Variants in CSMD1 observed in about 807,000 individuals in gnomAD.
The protein encoded by CSMD1 is CUB and sushi domain-containing protein 1.
A neutral mutation model predicts 417.5 loss-of-function variants in CSMD1; 213 were observed. That is an observed-to-expected ratio of 0.51 (90% CI 0.46 to 0.57). The LOEUF is 0.57. CSMD1 is among the 20% of genes least tolerant of loss of function. CSMD1 has a pLI of 0.00. For synonymous variants in CSMD1, 2,862 were observed against 1,736.8 expected, an observed-to-expected ratio of 1.65 and a Z score of -16.11; for missense variants, 6,923 against 4,529.7, an observed-to-expected ratio of 1.53 and a Z score of -15.17.
chr8:3,730,419 G>C (rs1413584697), intron 6 of CSMD1, among the ~76,000 whole-genome samples: 2 of 147,762 alleles, frequency 1.4e-5, no homozygotes, highest in Non-Finnish European at 3.0e-5. Context: ...AGCTGGGATA[G>C]AGCAAACCTC....
chr8:4,232,232 G>C (rs867560867), intron 3 of CSMD1, among the ~76,000 whole-genome samples: 6 of 152,076 alleles, frequency 3.9e-5, no homozygotes, highest in African/African-American at 9.7e-5. Context: ...GTCTCGCTCT[G>C]TCAGTCACCA....
intron 4 of CSMD1, among the ~76,000 whole-genome samples, chr8:4,004,964 T>G (rs1815991663): frequency 6.6e-6 from 1 of 152,184 alleles, no homozygotes; most frequent in South Asian, 2.1e-4. Context: ...CAGGATGGTC[T>G]CAATCTCCTG....
At chr8:4,832,733 G>A (rs1271114933) in intron 1 of CSMD1, among the ~76,000 whole-genome samples, 2 of 152,152 alleles carry the variant, frequency 1.3e-5, no homozygotes, top group Admixed American at 1.3e-4. Flanking sequence ...AGAAATTAAA[G>A]TGGAGAGAGA....
intron 8 of CSMD1, among the ~76,000 whole-genome samples, chr8:3,587,750 C>G (rs1385753117): frequency 6.6e-6 from 1 of 152,058 alleles, no homozygotes; most frequent in Non-Finnish European, 1.5e-5. Flanking sequence ...CTTAATAAAA[C>G]TTAATATGCA....
chr8:3,919,848 C>A (rs1234525581), intron 5 of CSMD1, among the ~76,000 whole-genome samples: 3 of 151,954 alleles, frequency 2.0e-5, no homozygotes, highest in Admixed American at 6.6e-5. Context: ...TCATTCACCT[C>A]CTTGGTTATT....
intron 3 of CSMD1, among the ~76,000 whole-genome samples, chr8:4,080,496 T>G (rs1729160651): frequency 6.6e-6 from 1 of 152,218 alleles, no homozygotes; most frequent in African/African-American, 2.4e-5. Context: ...TCCAAATTTC[T>G]TACTTGCAAA....
At chr8:3,981,952 A>C (rs1267956185) in intron 5 of CSMD1, among the ~76,000 whole-genome samples, 2 of 152,018 alleles carry the variant, frequency 1.3e-5, no homozygotes, top group Admixed American at 6.6e-5. Context: ...CAGGTGGATC[A>C]CAAGTTCAGG....
intron 3 of CSMD1, among the ~76,000 whole-genome samples, chr8:4,222,298 T>C (rs1348980858): frequency 1.3e-5 from 2 of 152,156 alleles, no homozygotes; most frequent in Non-Finnish European, 2.9e-5. Context: ...TTTTAATTTT[T>C]AGGCAATTTG....
At chr8:4,414,432 G>A (rs1796816081) in intron 3 of CSMD1, among the ~76,000 whole-genome samples, 2 of 152,032 alleles carry the variant, frequency 1.3e-5, no homozygotes, top group African/African-American at 4.8e-5. Context: ...AATGTTCAAT[G>A]GATTAATAAA....
intron 1 of CSMD1, among the ~76,000 whole-genome samples, chr8:4,839,363 T>G (rs912573322): frequency 1.3e-5 from 2 of 152,204 alleles, no homozygotes; most frequent in African/African-American, 4.8e-5. Flanking sequence ...CAAATATATT[T>G]CATAATTATG....
chr8:4,151,472 T>C (rs569863685), intron 3 of CSMD1, among the ~76,000 whole-genome samples: 2 of 152,340 alleles, frequency 1.3e-5, no homozygotes, highest in East Asian at 3.9e-4. Context: ...CCATATCTAG[T>C]TTAACAAACA....
intron 7 of CSMD1, among the ~76,000 whole-genome samples, chr8:3,676,558 C>A (rs79702589): frequency 0.013 from 1,922 of 152,264 alleles, 37 homozygotes; most frequent in African/African-American, 0.044. Flanking sequence ...CACATGTTCT[C>A]CCTTACCATT....
At chr8:3,212,473 C>T (rs1376951794) in intron 30 of CSMD1, among the ~76,000 whole-genome samples, 1 of 152,106 alleles carries the variant, frequency 6.6e-6, no homozygotes. Context: ...CTCATCCTCC[C>T]AAGCAGCTGG....
At chr8:4,299,658 G>A (rs1007644383) in intron 3 of CSMD1, among the ~76,000 whole-genome samples, 1 of 152,150 alleles carries the variant, frequency 6.6e-6, no homozygotes, top group East Asian at 1.9e-4. Flanking sequence ...TCTTTGAGAT[G>A]GAGTCTCATT....
chr8:4,648,905 A>G (rs1803706702), intron 1 of CSMD1, among the ~76,000 whole-genome samples: 1 of 152,156 alleles, frequency 6.6e-6, no homozygotes, highest in Non-Finnish European at 1.5e-5. Flanking sequence ...GCTTCCGCAT[A>G]TACGTAAATC....
Position 3,779,962 on chromosome 8 carries a change from T to A in CSMD1, c.819-25920A>T, listed in dbSNP as rs534616220. Among the ~76,000 whole-genome samples, 23 of 152,348 alleles carry A rather than the reference T, an allele frequency of 1.5e-4. 1 individual carries two copies. The South Asian group carries it at 4.8e-3, about 32-fold the overall frequency. The stretch of plus-strand genomic sequence containing the variant: ...TAAATTGCTGAAAACTAAGAAAGCT[T>A]AAATCAACCAAAAGAATGTGAACTT... On this transcript the variant is annotated intron_variant, in intron 5 of 69. Transcript: ENST00000635120.
At chr8:4,929,950 G>A (rs926979381) in intron 1 of CSMD1, among the ~76,000 whole-genome samples, 8 of 152,182 alleles carry the variant, frequency 5.3e-5, no homozygotes, top group Non-Finnish European at 7.3e-5. Flanking sequence ...CCTGAGTGAA[G>A]CTACAGTTTT....
chr8:4,676,541 T>C (rs764725899), intron 1 of CSMD1, among the ~76,000 whole-genome samples: 2 of 152,186 alleles, frequency 1.3e-5, no homozygotes, highest in Non-Finnish European at 2.9e-5. Context: ...TTGGTCTACA[T>C]CATCACTAGC....
intron 6 of CSMD1, among the ~76,000 whole-genome samples, chr8:3,730,069 T>C (rs13261216): frequency 6.6e-6 from 1 of 151,926 alleles, no homozygotes; most frequent in East Asian, 1.9e-4. Context: ...CTTAAGGCTG[T>C]GATTCTGCTC....
Sources: gnomAD v4.1 joint callset for allele counts (sites outside exome capture counted in the v4.1 genomes callset) on GRCh38, gnomAD v4.1.1 for gene constraint, MANE v1.5 for transcripts, NCBI Gene and HGNC (gene_info 2026-07-23, HGNC 2026-07-21) for gene names.